Variants in TMEM131 observed in about 807,000 individuals in gnomAD.
TMEM131 encodes the protein transmembrane protein 131, also known as 2610524E03Rik.
Under a neutral mutation model 211.6 loss-of-function variants are expected in TMEM131, and 66 were observed. That is an observed-to-expected ratio of 0.31 (90% confidence interval 0.26 to 0.38). TMEM131 has a LOEUF of 0.38. Ranked by LOEUF, TMEM131 falls within the 10% of genes least tolerant of loss-of-function variation. The probability of loss-of-function intolerance (pLI) is 1.00; values close to 1 mark genes in which losing one functional copy is unlikely to be tolerated. For synonymous variants in TMEM131, 844 were observed against 841.3 expected (o/e 1.00, Z -0.06); for missense variants, 2,036 against 2,299.3 (o/e 0.89, Z 2.34).
In TMEM131 at chr2:97,994,025, G is replaced by A. The variant is rs541815158; in HGVS notation, c.187+1451C>T. 5.9e-5 allele frequency among the ~76,000 whole-genome samples: 9 copies of A among 152,286 alleles called. No homozygotes were observed. The South Asian group carries it at 1.9e-3, about 32-fold the overall frequency. ...CGCCAGTGTGTCTGGCACTGTGCAA[G>A]GTAAGCAAAGGAACAGAAAAACAAG... On this transcript the variant is annotated intron_variant, in intron 1 of 40. Transcript: ENST00000186436.
chr2:97,945,792 GA>G (rs1238323776), intron 1 of TMEM131, among the ~76,000 whole-genome samples: 3 of 151,760 alleles, frequency 2.0e-5, no homozygotes, highest in Non-Finnish European at 4.4e-5. Context: ...CCAAAAATTT[GA>G]AAAAAGAAAA....
chr2:97,927,108 C>T (rs953081285), intron 2 of TMEM131, among the ~76,000 whole-genome samples: 2 of 152,124 alleles, frequency 1.3e-5, no homozygotes, highest in African/African-American at 4.8e-5. Context: ...ACATACAAAG[C>T]TGACTCTAGG....
chr2:97,981,028 C>CAAAAAAA lies in TMEM131; in HGVS notation c.187+14441_187+14447dup, dbSNP rs57606185. ...TGCTGAAACTCACAGAACTACACAC[C>CAAAAAAA]AAAAAAAAAAAAAAAAAAAAAAAAA... On this transcript the variant is annotated intron_variant, in intron 1 of 40. Transcript: ENST00000186436. Among the ~76,000 whole-genome samples, 95 of 37,960 alleles carry CAAAAAAA rather than the reference C, an allele frequency of 2.5e-3. 2 individuals are homozygous for CAAAAAAA. Among genetic ancestry groups the CAAAAAAA allele is most frequent in the Non-Finnish European group, 2.8e-3 (60 of 21,670 alleles). The allele number at this position is 37,960 out of a possible 152,430, so 24.9% of individuals were successfully genotyped here.
intron 11 of TMEM131, among the ~76,000 whole-genome samples, chr2:97,826,640 G>A (rs1386051816): frequency 6.6e-6 from 1 of 150,946 alleles, no homozygotes; most frequent in African/African-American, 2.4e-5. Context: ...GTGAGAGAGG[G>A]GAAGAGACAA....
At chr2:97,965,874 T>C (rs1182649371) in intron 1 of TMEM131, among the ~76,000 whole-genome samples, 2 of 151,834 alleles carry the variant, frequency 1.3e-5, no homozygotes, top group African/African-American at 4.8e-5. Flanking sequence ...GAAATTCACA[T>C]AAAGGTAGAA....
At chr2:97,793,993 C>CAAAA (rs1169823016) in intron 29 of TMEM131, among the ~76,000 whole-genome samples, 28 of 54,446 alleles carry the variant, frequency 5.1e-4, no homozygotes, top group African/African-American at 1.3e-3. Flanking sequence ...GACTCTGTCT[C>CAAAA]AAAAAAAAAA....
intron 1 of TMEM131, among the ~76,000 whole-genome samples, chr2:97,949,445 T>G (rs1322284415): frequency 1.3e-5 from 2 of 152,196 alleles, no homozygotes; most frequent in Admixed American, 6.5e-5. Context: ...TAGTTTCACA[T>G]GGGCCATAAC....
At chr2:97,785,556 C>T (rs1259119276) in intron 31 of TMEM131, among the ~76,000 whole-genome samples, 2 of 152,160 alleles carry the variant, frequency 1.3e-5, no homozygotes, top group Non-Finnish European at 2.9e-5. Flanking sequence ...ATCACTCCTA[C>T]GTTGCTGGTG....
chr2:97,835,212 T>C (rs886502397), intron 8 of TMEM131, among the ~76,000 whole-genome samples: 1 of 152,184 alleles, frequency 6.6e-6, no homozygotes, highest in African/African-American at 2.4e-5. Flanking sequence ...AAATCACCAT[T>C]AAAAGGTAAA....
chr2:97,869,662 C>T (rs555061017), intron 4 of TMEM131, among the ~76,000 whole-genome samples: 1 of 152,314 alleles, frequency 6.6e-6, no homozygotes, highest in Admixed American at 6.5e-5. Context: ...ACTCCTTGGA[C>T]AGACTTGCTC....
chr2:97,914,519 A>G (rs974189239), intron 2 of TMEM131, among the ~76,000 whole-genome samples: 2 of 152,176 alleles, frequency 1.3e-5, no homozygotes, highest in Admixed American at 6.5e-5. Flanking sequence ...CGCTTTTATA[A>G]TCACACTCAT....
intron 4 of TMEM131, among the ~76,000 whole-genome samples, chr2:97,874,564 A>G (rs530961672): frequency 6.6e-6 from 1 of 152,372 alleles, no homozygotes; most frequent in South Asian, 2.1e-4. Flanking sequence ...AGTGAGGCCC[A>G]ATATTCAACA....
intron 25 of TMEM131, among the ~76,000 whole-genome samples, chr2:97,798,283 G>T (rs991996960): frequency 1.3e-5 from 2 of 152,204 alleles, no homozygotes; most frequent in Admixed American, 1.3e-4. Context: ...ATACCGTTCT[G>T]GTTTTTAAGC....
chr2:97,850,138 A>G (rs1673550627), intron 5 of TMEM131, among the ~76,000 whole-genome samples: 1 of 151,872 alleles, frequency 6.6e-6, no homozygotes, highest in African/African-American at 2.4e-5. Context: ...TGACAATATC[A>G]TTTTCCCATC....
intron 4 of TMEM131, among the ~76,000 whole-genome samples, chr2:97,877,822 A>C (rs1327491733): frequency 6.6e-6 from 1 of 152,212 alleles, no homozygotes; most frequent in East Asian, 1.9e-4. Flanking sequence ...TAAAACACCA[A>C]AAGCAATGGC....
At chr2:97,912,911 T>C (rs895489429) in intron 2 of TMEM131, 3 of 152,192 alleles carry the variant, frequency 2.0e-5, no homozygotes, top group African/African-American at 7.2e-5. Flanking sequence ...GGCAAAAATA[T>C]ATGTGATATG....
intron 3 of TMEM131, among the ~76,000 whole-genome samples, chr2:97,891,552 T>C (rs1675376125): frequency 6.6e-6 from 1 of 152,184 alleles, no homozygotes; most frequent in Non-Finnish European, 1.5e-5. Flanking sequence ...GACTATTTTC[T>C]GATTTCAAGC....
chr2:97,795,297 T>C (rs1201004833), intron 28 of TMEM131, among the ~76,000 whole-genome samples, 182 bp from the exon 29 acceptor site: 1 of 152,248 alleles, frequency 6.6e-6, no homozygotes, highest in East Asian at 1.9e-4. Context: ...GGAACAACTG[T>C]ATTCTGTGAA....
At chr2:97,894,269 T>C (rs1170109634) in intron 3 of TMEM131, among the ~76,000 whole-genome samples, 1 of 152,248 alleles carries the variant, frequency 6.6e-6, no homozygotes, top group Admixed American at 6.5e-5. Context: ...ACCATGCTGT[T>C]GTGGTTACTG....
Sources: allele counts gnomAD v4.1 joint callset (sites outside exome capture counted in the v4.1 genomes callset), GRCh38; gene constraint gnomAD v4.1.1; transcripts MANE v1.5; gene names NCBI Gene and HGNC (gene_info 2026-07-23, HGNC 2026-07-21).